ERLIN2: variants seen among roughly 807,000 people sequenced by gnomAD.
The protein encoded by ERLIN2 is erlin-2.
Under a neutral mutation model 41.5 loss-of-function variants are expected in ERLIN2, and 22 were observed. The observed-to-expected ratio is 0.53, with a 90% CI of 0.38 to 0.76. The LOEUF is 0.76. Among genes scored for constraint, ERLIN2 ranks in the 30% least tolerant of loss-of-function variants. The pLI is 0.00. For missense variants in ERLIN2, 247 were observed against 414.3 expected, an observed-to-expected ratio of 0.60 and a Z score of 3.51; for synonymous variants, 149 against 150.9, an observed-to-expected ratio of 0.99 and a Z score of 0.09.
chr8:37,751,759 G>A (rs779899314), intron 10 of ERLIN2, 44 bp downstream of exon 10: 16 of 1,467,622 alleles, frequency 1.1e-5, no homozygotes, highest in South Asian at 3.4e-5. Context: ...CTCAGACCCC[G>A]CCCTGTGGCC....
Position 37,754,911 on chromosome 8 carries a change from G to C in ERLIN2, c.*796G>C, listed in dbSNP as rs982654148. The C allele has an allele frequency of 6.6e-6, 1 of 152,332 alleles. No homozygotes were observed. Among genetic ancestry groups the C allele is most frequent in the Admixed American group, 6.5e-5 (1 of 15,306 alleles). 9.4% of individuals were successfully genotyped at this position (152,332 alleles called of 1,614,324 possible). ...AAGAAGACAGGGACAAACAACTCAA[G>C]TGTCTTAACAGCTGCTGGAGTGGGA... On this transcript the variant is annotated 3_prime_UTR_variant, in exon 12 of 12. Transcript: ENST00000519638.
chr8:37,743,293 A>C (rs991328651), intron 4 of ERLIN2, among the ~76,000 whole-genome samples: 1 of 152,228 alleles, frequency 6.6e-6, no homozygotes. Flanking sequence ...CAAGGGACTA[A>C]AATAATAGAT....
At chr8:37,750,154 G>A in intron 8 of ERLIN2, 1 of 620,208 alleles carries the variant, frequency 1.6e-6, no homozygotes, top group South Asian at 1.9e-5. Flanking sequence ...AGACCAGTAA[G>A]TGGACAGGCA....
chr8:37,746,357 G>T (rs1399112354), intron 6 of ERLIN2: 2 of 985,214 alleles, frequency 2.0e-6, no homozygotes, highest in Non-Finnish European at 2.4e-6. Flanking sequence ...TTTACCTGAA[G>T]AACCTCTTTG....
At chr8:37,751,316 A>G (rs923048519) in intron 9 of ERLIN2, among the ~76,000 whole-genome samples, 1 of 152,278 alleles carries the variant, frequency 6.6e-6, no homozygotes, top group African/African-American at 2.4e-5. Context: ...CCCTGTCTAC[A>G]GTGAAGGGCC....
rs1203079722 is a variant in ERLIN2 at position 37,754,454 on chromosome 8, C to T, written c.*339C>T. 1 of 352,468 alleles carries T rather than the reference C, an allele frequency of 2.8e-6. No individual in the cohort carries two copies. The highest frequency in any genetic ancestry group is 2.1e-5 in the African/African-American group (1 of 47,108). The allele number at this position is 352,468 out of a possible 1,614,324, so 21.8% of individuals were successfully genotyped here. On this transcript the variant is annotated 3_prime_UTR_variant, in exon 12 of 12. Transcript: ENST00000519638. The stretch of plus-strand genomic sequence containing the variant: ...AGGGAGAAATGTAGAGTGTTACCTC[C>T]AACTCATTTGATTTCCCTTACTTGG...
At chr8:37,737,406 T>C (rs1585895944) in intron 1 of ERLIN2, 1 of 194,372 alleles carries the variant, frequency 5.1e-6, no homozygotes, top group East Asian at 1.3e-4. Context: ...CTGCTGGCTC[T>C]GCCACTCCAG....
At chr8:37,746,301 C>T (rs1252650160) in intron 6 of ERLIN2, 1 of 985,356 alleles carries the variant, frequency 1.0e-6, no homozygotes, top group Admixed American at 6.1e-5. Context: ...TACTCTGCCG[C>T]ATCCTCTTTG....
chr8:37,753,526 T>C lies in ERLIN2; in HGVS notation c.816T>C (p.Asn272=), dbSNP rs142722211. The stretch of plus-strand genomic sequence containing the variant: ...CTGCTATGAAAATAGCCGAAGCCAA[T>C]AAGGTAAAGACCCCGCACAGCCTGA... ...CYTAMKIAEA[N]KLKLTPEYLQ... The change falls in exon 11 of 12, where the codon AAT becomes AAC. Residue 272 remains asparagine (N), a synonymous_variant. Coordinates refer to ENST00000519638, the MANE Select transcript of ERLIN2 (RefSeq NM_007175.8). 1,110 of 1,613,716 alleles carry C rather than the reference T, an allele frequency of 6.9e-4. 4 individuals carry two copies. In the African/African-American group the frequency reaches 0.013, roughly 19 times the overall value.
At chr8:37,746,178 T>C in intron 6 of ERLIN2, 1 of 988,106 alleles carries the variant, frequency 1.0e-6, no homozygotes, top group Non-Finnish European at 1.2e-6. Flanking sequence ...AAGGAGGAGC[T>C]CATGTCTCTA....
In ERLIN2 at chr8:37,749,869, C is replaced by A. The variant is rs369361854; in HGVS notation, c.557+17C>A. ...CGAGTTGATGTGAGTATACCCTCCG[C>A]CTGGGCTGTGACCACCACTGCCTCC... On this transcript the variant is annotated intron_variant, in intron 8 of 11. Transcript: ENST00000519638. 38 of 1,612,424 alleles carry A rather than the reference C, an allele frequency of 2.4e-5. No homozygotes were observed. Among genetic ancestry groups the A allele is most frequent in the Middle Eastern group, 3.3e-4 (2 of 6,070 alleles).
Position 37,738,087 on chromosome 8 carries a change from T to C in ERLIN2, c.107+58T>C, listed in dbSNP as rs1802718246. On this transcript the variant is annotated intron_variant, in intron 2 of 11. Transcript: ENST00000519638. Reference sequence around the variant, plus strand: ...CCTGTTAAATAGCTCCCTTTCCTGGTCATTGCTTTCCTAGCAGATTCTGCT... The same window carrying C: ...CCTGTTAAATAGCTCCCTTTCCTGGCCATTGCTTTCCTAGCAGATTCTGCT... 2.5e-6 allele frequency: 4 copies of C among 1,600,596 alleles called. No individual in the cohort carries two copies. In the Admixed American group the frequency reaches 6.7e-5, roughly 27 times the overall value.
At chr8:37,753,332 A>T in intron 10 of ERLIN2, 118 bp from the exon 11 acceptor site, 1 of 776,898 alleles carries the variant, frequency 1.3e-6, no homozygotes, top group Non-Finnish European at 2.3e-6. Context: ...CAAGTCACAG[A>T]GGCAATCAGG....
rs960180245 is a variant in ERLIN2, at chr8:37,745,456, T to C, written c.424+760T>C. The C allele has an allele frequency of 2.1e-5, 22 of 1,060,372 alleles. No homozygotes were observed. In the South Asian group the frequency reaches 2.5e-4, roughly 12 times the overall value. 65.7% of individuals were successfully genotyped at this position (1,060,372 alleles called of 1,614,324 possible). On this transcript the variant is annotated intron_variant, in intron 6 of 11. Transcript: ENST00000519638. ...GAAGGACACAGTTGGGTAACTGTTATAACTTGTTTGCAGTCAAGTATTCTG... is the reference window on the plus strand; with the variant it reads ...GAAGGACACAGTTGGGTAACTGTTACAACTTGTTTGCAGTCAAGTATTCTG...
intron 2 of ERLIN2, among the ~76,000 whole-genome samples, chr8:37,738,708 A>G (rs1338217421): frequency 1.3e-5 from 2 of 152,200 alleles, no homozygotes; most frequent in African/African-American, 4.8e-5. Flanking sequence ...CAACATAGTG[A>G]GAGCCCATCT....
At chr8:37,749,511 T>C in intron 6 of ERLIN2, 48 bp from the exon 7 acceptor site, 2 of 1,335,822 alleles carry the variant, frequency 1.5e-6, no homozygotes, top group East Asian at 4.6e-5. Flanking sequence ...CCCTCCCTCA[T>C]CTAGAAAGTG....
At chr8:37,747,587 TAGG>T in intron 6 of ERLIN2, 1 of 1,612,230 alleles carries the variant, frequency 6.2e-7, no homozygotes, top group African/African-American at 1.3e-5. Flanking sequence ...ATCACCTTCT[TAGG>T]AGGCTCTTGT....
chr8:37,741,852 A>T lies in ERLIN2; in HGVS notation c.236+34A>T, dbSNP rs1329354566. On this transcript the variant is annotated intron_variant, in intron 4 of 11. Coordinates refer to ENST00000519638, the MANE Select transcript of ERLIN2 (RefSeq NM_007175.8). The surrounding 1 kb of genome is among the most constrained non-coding windows in gnomAD (Gnocchi z 4.8). ...CCCAGAATAAAGCTTTTAAGCCCAA[A>T]TAAGTCAGAGAAAAGGCTGTCTGGC... 1 of 1,563,238 alleles carries T rather than the reference A, an allele frequency of 6.4e-7. No individual in the cohort carries two copies. Among genetic ancestry groups the T allele is most frequent in the South Asian group, 1.1e-5 (1 of 90,128 alleles).
At position 37,754,338 on chromosome 8, in the gene ERLIN2, A is replaced by C. The variant is rs1803306427; in HGVS notation, c.*223A>C. ...TAAGCAGTTTATATGACTTCCAATA[A>C]GATTTGTAAATCATGGGCTTGACCT... On this transcript the variant is annotated 3_prime_UTR_variant, in exon 12 of 12. Transcript: ENST00000519638. The C allele has an allele frequency of 3.4e-5, 19 of 551,240 alleles. No individual in the cohort carries two copies. In the South Asian group the frequency reaches 3.8e-4, roughly 11 times the overall value. The allele number at this position is 551,240 out of a possible 1,614,324, so 34.1% of individuals were successfully genotyped here. A position where few individuals can be genotyped will look rare whatever the true frequency, so the allele number is the denominator to read the frequency against.
Sources: allele counts gnomAD v4.1 joint callset (sites outside exome capture counted in the v4.1 genomes callset), GRCh38; gene constraint gnomAD v4.1.1; non-coding constraint Gnocchi (gnomAD v3.1); transcripts MANE v1.5; gene names NCBI Gene and HGNC (gene_info 2026-07-23, HGNC 2026-07-21).